Variants in BNIP3L observed in about 807,000 individuals in gnomAD.
BNIP3L encodes BCL2/adenovirus E1B 19 kDa protein-interacting protein 3-like.
In BNIP3L, 10 loss-of-function variants were observed where a neutral mutation model predicts 25.5. That is an observed-to-expected ratio of 0.39 (90% CI 0.24 to 0.67). The LOEUF is 0.67. BNIP3L is among the 30% of genes least tolerant of loss of function. BNIP3L has a pLI of 0.45. For missense variants in BNIP3L, 215 were observed against 270.9 expected, an observed-to-expected ratio of 0.79 and a Z score of 1.45; for synonymous variants, 113 against 101.2, an observed-to-expected ratio of 1.12 and a Z score of -0.70.
rs917549912 is a variant in BNIP3L at position 26,410,647 on chromosome 8, T to A, written c.*235T>A. ...TTTAGAATTTCCTAACAGAGTTTAC[T>A]GTTGTTTAGAAATTTGCAAGGGCTT... On this transcript the variant is annotated 3_prime_UTR_variant, in exon 6 of 6. Transcript: ENST00000380629. 6 of 524,630 alleles carry A rather than the reference T, an allele frequency of 1.1e-5. No homozygotes were observed. The East Asian group carries it at 2.0e-4, about 17-fold the overall frequency. 32.5% of individuals were successfully genotyped at this position (524,630 alleles called of 1,614,324 possible).
At chr8:26,383,883 A>T (rs1805920518) in intron 1 of BNIP3L, among the ~76,000 whole-genome samples, 1 of 129,612 alleles carries the variant, frequency 7.7e-6, no homozygotes, top group Non-Finnish European at 1.6e-5. Context: ...AGATTTCTCG[A>T]AGTTGCCCAA....
chr8:26,405,999 C>T (rs1468607679), intron 3 of BNIP3L, among the ~76,000 whole-genome samples: 9 of 152,128 alleles, frequency 5.9e-5, no homozygotes, highest in African/African-American at 1.2e-4. Flanking sequence ...GCCAAGGTCG[C>T]GCCACTGCAC....
intron 1 of BNIP3L, chr8:26,390,563 T>C: frequency 1.0e-6 from 1 of 982,740 alleles, no homozygotes; most frequent in Non-Finnish European, 1.2e-6. Context: ...AAGCCTGAGA[T>C]ACAAAGGAAA....
At chr8:26,398,703 T>C (rs1167261363) in intron 3 of BNIP3L, among the ~76,000 whole-genome samples, 1 of 143,176 alleles carries the variant, frequency 7.0e-6, no homozygotes, top group Admixed American at 6.9e-5. Flanking sequence ...TTTGAAAGGA[T>C]CAACAAAATT....
intron 2 of BNIP3L, among the ~76,000 whole-genome samples, chr8:26,393,727 A>G (rs1489724397): frequency 6.6e-6 from 1 of 152,100 alleles, no homozygotes; most frequent in African/African-American, 2.4e-5. Flanking sequence ...TGTGAACCCA[A>G]CAGTTATGAG....
intron 3 of BNIP3L, among the ~76,000 whole-genome samples, chr8:26,398,177 T>G (rs1259045948): frequency 2.4e-5 from 2 of 83,258 alleles, no homozygotes; most frequent in South Asian, 4.9e-4. Flanking sequence ...TACATTTTTT[T>G]CAGCACCACA....
chr8:26,383,096 C>G lies in BNIP3L; in HGVS notation c.-35C>G, dbSNP rs778108649. 113 of 1,549,052 alleles carry G rather than the reference C, an allele frequency of 7.3e-5. No homozygotes were observed. Among genetic ancestry groups the G allele is most frequent in the Admixed American group, 1.9e-5 (1 of 52,866 alleles). ...TTGCTGCCTGAGTGCCGGAGACGGTCCTGCTGCTGCCGCAGTCCTGCCAGC... is the reference window on the plus strand; with the variant it reads ...TTGCTGCCTGAGTGCCGGAGACGGTGCTGCTGCTGCCGCAGTCCTGCCAGC... On this transcript the variant is annotated 5_prime_UTR_variant, in exon 1 of 6. Coordinates refer to ENST00000380629, the MANE Select transcript of BNIP3L (RefSeq NM_004331.3).
In BNIP3L at chr8:26,383,234, A is replaced by C. The variant is rs747510382; in HGVS notation, c.100+4A>C. On this transcript the variant is annotated splice_donor_region_variant and intron_variant, in intron 1 of 5. Coordinates refer to ENST00000380629, the MANE Select transcript of BNIP3L (RefSeq NM_004331.3). ...CCCCCGCCGGCCGGCCTCAACAGTG[A>C]GTGCGGGGCCGAGGCTCTGTGAAGG... 2.5e-5 allele frequency: 40 copies of C among 1,605,926 alleles called. No individual in the cohort carries two copies. Among genetic ancestry groups the C allele is most frequent in the Non-Finnish European group, 3.4e-5 (40 of 1,176,932 alleles).
chr8:26,395,442 A>T, intron 3 of BNIP3L, 140 bp downstream of exon 3: 1 of 927,094 alleles, frequency 1.1e-6, no homozygotes, highest in African/African-American at 1.7e-5. Context: ...GAATTTATTT[A>T]GGATGATATA....
chr8:26,390,098 T>C (rs1207761764), intron 1 of BNIP3L, among the ~76,000 whole-genome samples: 1 of 152,182 alleles, frequency 6.6e-6, no homozygotes, highest in Admixed American at 6.5e-5. Context: ...TTGGCTACTG[T>C]TAACAATTTA....
chr8:26,411,655 C>G lies in BNIP3L; in HGVS notation c.*1243C>G, dbSNP rs1806627514. 1 of 152,630 alleles carries G rather than the reference C, an allele frequency of 6.6e-6. No homozygotes were observed. Among genetic ancestry groups the G allele is most frequent in the African/African-American group, 2.4e-5 (1 of 41,446 alleles). The allele number at this position is 152,630 out of a possible 1,614,324, so 9.5% of individuals were successfully genotyped here. On this transcript the variant is annotated 3_prime_UTR_variant, in exon 6 of 6. Transcript: ENST00000380629. ...TAAAGTTCAGAACACTCAACAGATT[C>G]CTTCAGTGATATACTTGTTCGTTCA...
At chr8:26,410,286 A>T in intron 5 of BNIP3L, 78 bp from the exon 6 acceptor site, 1 of 1,532,322 alleles carries the variant, frequency 6.5e-7, no homozygotes, top group Non-Finnish European at 9.0e-7. Context: ...GAAGAGTTTT[A>T]AGTAGAGTTC....
chr8:26,385,144 C>T (rs550610287), intron 1 of BNIP3L, among the ~76,000 whole-genome samples: 2 of 152,268 alleles, frequency 1.3e-5, no homozygotes, highest in African/African-American at 4.8e-5. Flanking sequence ...TGTTATTCTA[C>T]CTAATTGACA....
chr8:26,403,478 A>G (rs543103669), intron 3 of BNIP3L, among the ~76,000 whole-genome samples: 128 of 151,880 alleles, frequency 8.4e-4, no homozygotes, highest in Non-Finnish European at 1.4e-3. Flanking sequence ...CTTTTCTAAG[A>G]TGAGGAAGTA....
intron 5 of BNIP3L, among the ~76,000 whole-genome samples, chr8:26,409,841 A>G (rs1016897325): frequency 6.6e-6 from 1 of 152,234 alleles, no homozygotes; most frequent in African/African-American, 2.4e-5. Context: ...GCTGTTGAAG[A>G]GGCCAAATAC....
chr8:26,392,797 T>A (rs1240271973), intron 2 of BNIP3L, among the ~76,000 whole-genome samples: 1 of 152,172 alleles, frequency 6.6e-6, no homozygotes, highest in South Asian at 2.1e-4. Context: ...TCAACAAGGC[T>A]TTCACTCTGC....
intron 3 of BNIP3L, among the ~76,000 whole-genome samples, chr8:26,400,595 C>G (rs2117484609): frequency 7.0e-6 from 1 of 142,096 alleles, no homozygotes; most frequent in African/African-American, 2.6e-5. Flanking sequence ...AGCTTCTACA[C>G]AGCAAAAGAA....
intron 1 of BNIP3L, among the ~76,000 whole-genome samples, chr8:26,386,795 A>T (rs1359681449): frequency 3.3e-5 from 5 of 152,152 alleles, no homozygotes; most frequent in African/African-American, 9.7e-5. Flanking sequence ...GCCTTCATGG[A>T]TTGTCACTGC....
chr8:26,385,081 C>CT (rs1805963379), intron 1 of BNIP3L, among the ~76,000 whole-genome samples: 2 of 151,818 alleles, frequency 1.3e-5, no homozygotes, highest in Non-Finnish European at 2.9e-5. Flanking sequence ...GCACCGGCTT[C>CT]TTTTCAGTGG....
Sources: gnomAD v4.1 joint callset for allele counts (sites outside exome capture counted in the v4.1 genomes callset) on GRCh38, gnomAD v4.1.1 for gene constraint, MANE v1.5 for transcripts, NCBI Gene and HGNC (gene_info 2026-07-23, HGNC 2026-07-21) for gene names.